Variants in PPIC observed in about 807,000 individuals in gnomAD.
PPIC encodes peptidylprolyl isomerase C, also known as peptidyl-prolyl cis-trans isomerase C.
PPIC carries 19 observed loss-of-function variants against 19.5 expected under a neutral mutation model. The ratio of observed to expected loss-of-function variants is 0.98; its 90% CI spans 0.68 to 1.43. The LOEUF (loss-of-function observed/expected upper bound fraction) is 1.43. Ranked by LOEUF, PPIC falls within the 40% of genes most tolerant of loss-of-function variation. The probability of loss-of-function intolerance (pLI) is 0.00; values close to 1 mark genes in which losing one functional copy is unlikely to be tolerated. For missense variants in PPIC, 268 were observed against 268.6 expected, an observed-to-expected ratio of 1.00 and a Z score of 0.02; for synonymous variants, 107 against 101.2, an observed-to-expected ratio of 1.06 and a Z score of -0.34.
In PPIC at chr5:123,036,335, C is replaced by G; in HGVS notation, c.117+174G>C. The G allele has an allele frequency of 1.6e-6, 1 of 618,452 alleles. No homozygotes were observed. The highest frequency in any genetic ancestry group is 2.8e-6 in the Non-Finnish European group (1 of 354,514). 38.3% of individuals were successfully genotyped at this position (618,452 alleles called of 1,614,324 possible). On this transcript the variant is annotated intron_variant, in intron 1 of 4. Transcript: ENST00000306442. The surrounding 1 kb of genome is among the most constrained non-coding windows in gnomAD (Gnocchi z 4.5). The stretch of plus-strand genomic sequence containing the variant: ...TCCCCCAGGGTCTCCCCCGGAGCGC[C>G]GGCCTCCCAGCACGCGAGCAGCCCC...
chr5:123,024,601 T>G (rs1279423378), intron 4 of PPIC, among the ~76,000 whole-genome samples: 1 of 152,212 alleles, frequency 6.6e-6, no homozygotes, highest in Non-Finnish European at 1.5e-5. Context: ...GTACAGTATT[T>G]CACACTGAAG....
chr5:123,027,202 A>C (rs2150188931), intron 3 of PPIC, among the ~76,000 whole-genome samples: 1 of 152,184 alleles, frequency 6.6e-6, no homozygotes, highest in Non-Finnish European at 1.5e-5. Context: ...TCAAAAGAAA[A>C]AAAAAGCCCA....
chr5:123,024,750 C>A (rs1263816851), intron 4 of PPIC, among the ~76,000 whole-genome samples: 1 of 152,138 alleles, frequency 6.6e-6, no homozygotes, highest in Non-Finnish European at 1.5e-5. Flanking sequence ...CTGCAGCGAG[C>A]AAGACTGGTT....
rs1763012212 is a variant in PPIC, at chr5:123,036,349, G to C, written c.117+160C>G. Reference sequence around the variant, plus strand: ...CCCCGGAGCGCCGGCCTCCCAGCACGCGAGCAGCCCCCTCCCACCCAGTCC... The same window carrying C: ...CCCCGGAGCGCCGGCCTCCCAGCACCCGAGCAGCCCCCTCCCACCCAGTCC... On this transcript the variant is annotated intron_variant, in intron 1 of 4. Transcript: ENST00000306442. The surrounding 1 kb of genome is among the most constrained non-coding windows in gnomAD (Gnocchi z 4.5). The C allele has an allele frequency of 1.5e-6, 1 of 647,806 alleles. No individual in the cohort carries two copies. Among genetic ancestry groups the C allele is most frequent in the South Asian group, 1.9e-5 (1 of 52,338 alleles). 40.1% of individuals were successfully genotyped at this position (647,806 alleles called of 1,614,324 possible).
At chr5:123,028,957 A>G in intron 2 of PPIC, 89 bp from the exon 3 acceptor site, 1 of 1,114,802 alleles carries the variant, frequency 9.0e-7, no homozygotes, top group Non-Finnish European at 1.3e-6. Flanking sequence ...CAAACTGAGA[A>G]AATTAAACAA....
At chr5:123,029,089 C>T (rs900087528) in intron 2 of PPIC, 1 of 940,154 alleles carries the variant, frequency 1.1e-6, no homozygotes, top group South Asian at 1.8e-5. Flanking sequence ...TAAAAGAGAG[C>T]AAACCATATT....
chr5:123,029,375 A>G lies in PPIC; in HGVS notation c.161T>C (p.Ile54Thr), dbSNP rs764270186. 1.9e-6 allele frequency: 3 copies of G among 1,609,834 alleles called. No individual in the cohort carries two copies. In the African/African-American group the frequency reaches 4.0e-5, roughly 21 times the overall value. ...AACTTTTCCAAAGAGGCCAATCACAATTCTGCCAACATCTTTGTCTCCAAT... is the reference window on the plus strand; with the variant it reads ...AACTTTTCCAAAGAGGCCAATCACAGTTCTGCCAACATCTTTGTCTCCAAT... The part of the protein sequence containing the change: ...VRIGDKDVGR[I>T]VIGLFGKVVP... Residue 54 changes from isoleucine to threonine, a missense_variant, in exon 2 of 5, where the codon ATT becomes ACT. Ile to Thr is a moderately conservative substitution (Grantham distance 89). Transcript: ENST00000306442.
rs952975270 is a variant in PPIC at position 123,023,732 on chromosome 5, A to G, written c.*143T>C. 3.2e-6 allele frequency: 4 copies of G among 1,269,088 alleles called. No individual in the cohort carries two copies. The highest frequency in any genetic ancestry group is 1.5e-5 in the African/African-American group (1 of 66,316). 78.6% of individuals were successfully genotyped at this position (1,269,088 alleles called of 1,614,324 possible). On this transcript the variant is annotated 3_prime_UTR_variant, in exon 5 of 5. Coordinates refer to ENST00000306442, the MANE Select transcript of PPIC (RefSeq NM_000943.5). ...ACTAAAGGGTGACGGTTTGATTTTT[A>G]TAACTTTCCTGTGATCTGGGATAGA...
At chr5:123,030,989 T>A (rs1298656459) in intron 1 of PPIC, among the ~76,000 whole-genome samples, 1 of 152,140 alleles carries the variant, frequency 6.6e-6, no homozygotes, top group African/African-American at 2.4e-5. Context: ...CATGAGCAGA[T>A]GAAGAAAAAG....
At chr5:123,035,061 T>C (rs1237125809) in intron 1 of PPIC, among the ~76,000 whole-genome samples, 1 of 152,218 alleles carries the variant, frequency 6.6e-6, no homozygotes, top group Admixed American at 6.5e-5. Context: ...GTGATTCCGC[T>C]GCTGCTCACC....
rs1001899276 is a variant in PPIC at position 123,025,722 on chromosome 5, T to C, written c.510+62A>G. ...AAGCATATTTTAAGATTAAAATAAA[T>C]CACTGAAAGTACTCTCAATAAAAAT... On this transcript the variant is annotated intron_variant, in intron 4 of 4. Coordinates refer to ENST00000306442, the MANE Select transcript of PPIC (RefSeq NM_000943.5). 5 of 1,505,180 alleles carry C rather than the reference T, an allele frequency of 3.3e-6. No homozygotes were observed. In the African/African-American group the frequency reaches 5.7e-5, roughly 17 times the overall value. 93.2% of individuals were successfully genotyped at this position (1,505,180 alleles called of 1,614,324 possible). A position where few individuals can be genotyped will look rare whatever the true frequency, so the allele number is the denominator to read the frequency against.
In PPIC at chr5:123,023,772, T is replaced by TA. The variant is rs528773387; in HGVS notation, c.*102dup. The TA allele has an allele frequency of 0.026, 24,550 of 961,702 alleles. 2 individuals carry two copies. The highest frequency in any genetic ancestry group is 0.044 in the South Asian group (1,907 of 43,022). The allele number at this position is 961,702 out of a possible 1,614,324, so 59.6% of individuals were successfully genotyped here. ...TCTGGGATAGAATACAAAAAGAAAG[T>TA]AAAAAAAAAAAAGCAAATAATTGAA... On this transcript the variant is annotated 3_prime_UTR_variant, in exon 5 of 5. Coordinates refer to ENST00000306442, the MANE Select transcript of PPIC (RefSeq NM_000943.5).
chr5:123,032,494 T>A (rs575653128), intron 1 of PPIC, among the ~76,000 whole-genome samples: 14 of 152,102 alleles, frequency 9.2e-5, no homozygotes, highest in Admixed American at 2.6e-4. Context: ...TGTTAAAAGA[T>A]TCAATGTCAA....
chr5:123,023,660 T>G lies in PPIC; in HGVS notation c.*215A>C, dbSNP rs1327466828. On this transcript the variant is annotated 3_prime_UTR_variant, in exon 5 of 5. Coordinates refer to ENST00000306442, the MANE Select transcript of PPIC (RefSeq NM_000943.5). Reference sequence around the variant, plus strand: ...AGCACCACTTGAGGAAGGGGATATATTTAAGTTCAAAGTCCCTAAGCAGGT... The same window carrying G: ...AGCACCACTTGAGGAAGGGGATATAGTTAAGTTCAAAGTCCCTAAGCAGGT... 7.0e-6 allele frequency: 4 copies of G among 573,990 alleles called. No homozygotes were observed. Among genetic ancestry groups the G allele is most frequent in the Non-Finnish European group, 1.0e-5 (4 of 395,534 alleles). 35.6% of individuals were successfully genotyped at this position (573,990 alleles called of 1,614,324 possible). A position where few individuals can be genotyped will look rare whatever the true frequency, so the allele number is the denominator to read the frequency against.
intron 3 of PPIC, among the ~76,000 whole-genome samples, chr5:123,026,902 A>G (rs1377934082): frequency 6.6e-6 from 1 of 152,122 alleles, no homozygotes; most frequent in African/African-American, 2.4e-5. Flanking sequence ...CAGTTAGAAA[A>G]CCCAGAAGTA....
intron 3 of PPIC, 171 bp downstream of exon 3, chr5:123,028,604 C>A: frequency 1.9e-6 from 1 of 513,312 alleles, no homozygotes; most frequent in South Asian, 3.8e-5. Flanking sequence ...TCCCTCATAC[C>A]TGTCGAGATG....
In PPIC at chr5:123,036,667, G is replaced by C; in HGVS notation, c.-42C>G. Reference sequence around the variant, plus strand: ...GGCGCTACCGGCACGGGCGCTACCGGCACGGGCGCGACACAGGCTCTGGGA... The same window carrying C: ...GGCGCTACCGGCACGGGCGCTACCGCCACGGGCGCGACACAGGCTCTGGGA... On this transcript the variant is annotated 5_prime_UTR_variant, in exon 1 of 5. Transcript: ENST00000306442. This position sits in a 1 kb window ranked among gnomAD's most constrained non-coding sequence, Gnocchi z 4.5. 6.7e-7 allele frequency: 1 copy of C among 1,502,466 alleles called. No homozygotes were observed. The allele number at this position is 1,502,466 out of a possible 1,614,324, so 93.1% of individuals were successfully genotyped here.
intron 3 of PPIC, chr5:123,028,483 C>G: frequency 3.5e-6 from 1 of 285,348 alleles, no homozygotes; most frequent in Non-Finnish European, 6.4e-6. Flanking sequence ...AGATATTTTT[C>G]TGTATGGCTA....
chr5:123,036,110 G>T lies in PPIC; in HGVS notation c.117+399C>A, dbSNP rs1314769636. Among the ~76,000 whole-genome samples, 3 of 151,768 alleles carry T rather than the reference G, an allele frequency of 2.0e-5. No individual in the cohort carries two copies. Among genetic ancestry groups the T allele is most frequent in the Non-Finnish European group, 4.4e-5 (3 of 67,900 alleles). ...CGAGCGCCTCTCCTGTGCGGGTCCCGCCCCCCTCCCCGCATTCCTCTCGTT... is the reference window on the plus strand; with the variant it reads ...CGAGCGCCTCTCCTGTGCGGGTCCCTCCCCCCTCCCCGCATTCCTCTCGTT... On this transcript the variant is annotated intron_variant, in intron 1 of 4. Transcript: ENST00000306442. This position sits in a 1 kb window ranked among gnomAD's most constrained non-coding sequence, Gnocchi z 4.5.
Sources: allele counts gnomAD v4.1 joint callset (sites outside exome capture counted in the v4.1 genomes callset), GRCh38; gene constraint gnomAD v4.1.1; non-coding constraint Gnocchi (gnomAD v3.1); transcripts MANE v1.5; gene names NCBI Gene and HGNC (gene_info 2026-07-23, HGNC 2026-07-21).